Variants in ETV6 observed in about 807,000 individuals in gnomAD.
ETV6 encodes the protein ETS variant transcription factor 6.
Under a neutral mutation model 51.1 loss-of-function variants are expected in ETV6, and 16 were observed. The observed-to-expected ratio is 0.31, with a 90% confidence interval of 0.21 to 0.48. ETV6 has a LOEUF of 0.48. Ranked by LOEUF, ETV6 falls within the 20% of genes least tolerant of loss-of-function variation. The pLI is 0.99. For synonymous variants in ETV6, 240 were observed against 224.1 expected (o/e 1.07, Z -0.64); for missense variants, 458 against 594.8 (o/e 0.77, Z 2.39).
At chr12:11,767,476 G>T (rs761930640) in intron 2 of ETV6, among the ~76,000 whole-genome samples, 43 of 152,206 alleles carry the variant, frequency 2.8e-4, no homozygotes, top group Non-Finnish European at 5.7e-4. Context: ...CTCTGTGGGG[G>T]AAAATAAACA....
chr12:11,718,163 T>C (rs1250029305), intron 1 of ETV6, among the ~76,000 whole-genome samples: 2 of 152,164 alleles, frequency 1.3e-5, no homozygotes, highest in Non-Finnish European at 2.9e-5. Flanking sequence ...ATATTTTTTG[T>C]GTGCATTGAG....
At chr12:11,699,549 T>C (rs1864940358) in intron 1 of ETV6, among the ~76,000 whole-genome samples, 1 of 152,164 alleles carries the variant, frequency 6.6e-6, no homozygotes, top group African/African-American at 2.4e-5. Flanking sequence ...CTTCTATATT[T>C]GTGGAAACCC....
chr12:11,867,323 T>C (rs1485418967), intron 4 of ETV6, among the ~76,000 whole-genome samples: 3 of 152,198 alleles, frequency 2.0e-5, no homozygotes, highest in Non-Finnish European at 4.4e-5. Context: ...TGCTAGTCCT[T>C]AGCAAAATAT....
intron 2 of ETV6, among the ~76,000 whole-genome samples, chr12:11,769,136 C>CTT (rs1255744715): frequency 6.6e-6 from 1 of 152,172 alleles, no homozygotes; most frequent in African/African-American, 2.4e-5. Flanking sequence ...ATATCTAAAA[C>CTT]TTACATAGCT....
intron 2 of ETV6, among the ~76,000 whole-genome samples, chr12:11,796,351 T>G (rs142559925): frequency 6.6e-6 from 1 of 152,312 alleles, no homozygotes; most frequent in East Asian, 1.9e-4. Context: ...ATGTGCCATA[T>G]TCATACTCAC....
intron 2 of ETV6, among the ~76,000 whole-genome samples, chr12:11,828,380 T>A (rs1238375708): frequency 6.6e-6 from 1 of 152,172 alleles, no homozygotes; most frequent in Non-Finnish European, 1.5e-5. Context: ...AATAAAGAAA[T>A]GACAGCTCAA....
intron 1 of ETV6, among the ~76,000 whole-genome samples, chr12:11,667,979 C>T (rs1266911413): frequency 6.6e-6 from 1 of 151,904 alleles, no homozygotes; most frequent in African/African-American, 2.4e-5. Flanking sequence ...GGATTACAGC[C>T]GTGAGCCACC....
chr12:11,666,299 G>T (rs956250782), intron 1 of ETV6, among the ~76,000 whole-genome samples: 4 of 151,860 alleles, frequency 2.6e-5, no homozygotes, highest in African/African-American at 9.7e-5. Context: ...TACAGCCCAT[G>T]TTCTCTCCTA....
chr12:11,835,033 G>T (rs929951955), intron 2 of ETV6, among the ~76,000 whole-genome samples: 1 of 152,168 alleles, frequency 6.6e-6, no homozygotes, highest in African/African-American at 2.4e-5. Context: ...TCTGAAACAG[G>T]GTCAAAATGT....
chr12:11,869,995 C>T lies in ETV6; in HGVS notation c.1009+26C>T, dbSNP rs758712416. On this transcript the variant is annotated intron_variant, in intron 5 of 7. Transcript: ENST00000396373. The surrounding 1 kb of genome is among the most constrained non-coding windows in gnomAD (Gnocchi z 5.0). ...GTGAGTGAGTTCCCCTCTCGCCGCT[C>T]CAGCATCATGGGGACCTGACAAAGT... 10 of 1,573,064 alleles carry T rather than the reference C, an allele frequency of 6.4e-6. No homozygotes were observed. In the East Asian group the frequency reaches 2.2e-4, roughly 35 times the overall value.
At chr12:11,783,403 C>T (rs562830851) in intron 2 of ETV6, among the ~76,000 whole-genome samples, 39 of 152,018 alleles carry the variant, frequency 2.6e-4, no homozygotes, top group African/African-American at 8.0e-4. Flanking sequence ...ATTTCTGTGG[C>T]GGGGAGAGGC....
intron 1 of ETV6, among the ~76,000 whole-genome samples, chr12:11,734,308 G>A (rs189528661): frequency 3.9e-5 from 6 of 152,090 alleles, no homozygotes; most frequent in East Asian, 1.9e-4. Context: ...GAGCCATCTC[G>A]GAAATGACCA....
At chr12:11,778,082 A>G (rs1945358485) in intron 2 of ETV6, among the ~76,000 whole-genome samples, 1 of 152,208 alleles carries the variant, frequency 6.6e-6, no homozygotes, top group Admixed American at 6.5e-5. Context: ...AGAGCAAGCC[A>G]TGTCAAATAG....
At chr12:11,767,949 A>G (rs1945186200) in intron 2 of ETV6, among the ~76,000 whole-genome samples, 1 of 152,056 alleles carries the variant, frequency 6.6e-6, no homozygotes, top group Non-Finnish European at 1.5e-5. Flanking sequence ...GTTGAACGTG[A>G]GTTTGCTCAA....
chr12:11,693,875 G>A lies in ETV6; in HGVS notation c.33+43715G>A, dbSNP rs979185816. ...CTAGCAGAGGGAGTGATGATTTCAG[G>A]GAAGAGTACCAGAGAGGGCCAGTGG... On this transcript the variant is annotated intron_variant, in intron 1 of 7. Transcript: ENST00000396373. Among the ~76,000 whole-genome samples, 21 of 152,270 alleles carry A rather than the reference G, an allele frequency of 1.4e-4. 1 individual carries two copies. The highest frequency in any genetic ancestry group is 6.2e-4 in the South Asian group (3 of 4,822).
At chr12:11,690,886 C>CCAAATAAATAAATAAA (rs1864743606) in intron 1 of ETV6, among the ~76,000 whole-genome samples, 2 of 140,536 alleles carry the variant, frequency 1.4e-5, no homozygotes, top group Non-Finnish European at 1.5e-5. Context: ...GACTCTGTCT[C>CCAAATAAATAAATAAA]TAAATAAATA....
rs753179416 is a variant in ETV6 at position 11,893,083 on chromosome 12, C to T, written c.*2037C>T. 3.0e-5 allele frequency: 7 copies of T among 232,668 alleles called. No individual in the cohort carries two copies. The highest frequency in any genetic ancestry group is 4.4e-5 in the African/African-American group (2 of 45,284). The allele number at this position is 232,668 out of a possible 1,614,324, so 14.4% of individuals were successfully genotyped here. The stretch of plus-strand genomic sequence containing the variant: ...GATGAGATTCTGCTGGATCTCAGCA[C>T]GCTGCAGGTGTCTTTTGAGAGCATT... On this transcript the variant is annotated 3_prime_UTR_variant, in exon 8 of 8. Coordinates refer to ENST00000396373, the MANE Select transcript of ETV6 (RefSeq NM_001987.5).
chr12:11,890,828 C>T (rs1947275266), intron 7 of ETV6, 113 bp from the exon 8 acceptor site: 1 of 816,304 alleles, frequency 1.2e-6, no homozygotes, highest in Admixed American at 2.1e-5. Context: ...GGTTCAGTAG[C>T]TCTCCAGCTG....
intron 1 of ETV6, among the ~76,000 whole-genome samples, chr12:11,718,866 A>G (rs1013281345): frequency 6.6e-6 from 1 of 152,218 alleles, no homozygotes; most frequent in Non-Finnish European, 1.5e-5. Flanking sequence ...GGGCTGCCAG[A>G]CTTGCAGAAC....
Sources: allele counts gnomAD v4.1 joint callset (sites outside exome capture counted in the v4.1 genomes callset), GRCh38; gene constraint gnomAD v4.1.1; non-coding constraint Gnocchi (gnomAD v3.1); transcripts MANE v1.5; gene names NCBI Gene and HGNC (gene_info 2026-07-23, HGNC 2026-07-21).